TANC1: variants seen among roughly 807,000 people sequenced by gnomAD.
TANC1 encodes protein TANC1.
TANC1 carries 77 observed loss-of-function variants against 149.7 expected under a neutral mutation model. That is an observed-to-expected ratio of 0.51 (90% CI 0.43 to 0.62). The LOEUF is 0.62. Among genes scored for constraint, TANC1 ranks in the 20% least tolerant of loss-of-function variants. The pLI is 0.00. For synonymous variants in TANC1, 854 were observed against 925.0 expected, an observed-to-expected ratio of 0.92 and a Z score of 1.39; for missense variants, 1,985 against 2,321.8, an observed-to-expected ratio of 0.85 and a Z score of 2.98.
chr2:159,192,870 G>A (rs947958590), intron 16 of TANC1, among the ~76,000 whole-genome samples: 4 of 152,046 alleles, frequency 2.6e-5, no homozygotes, highest in African/African-American at 9.7e-5. Context: ...GGCTGGTCTC[G>A]AACTCCTAAC....
At chr2:159,219,097 C>T (rs2059526385) in intron 20 of TANC1, 141 bp from the exon 21 acceptor site, 5 of 1,096,878 alleles carry the variant, frequency 4.6e-6, no homozygotes, top group African/African-American at 1.6e-5. Context: ...AAAGATTTTC[C>T]AGGCCCCATG....
At chr2:159,171,805 C>T (rs1222754849) in intron 10 of TANC1, among the ~76,000 whole-genome samples, 2 of 141,826 alleles carry the variant, frequency 1.4e-5, no homozygotes, top group African/African-American at 2.7e-5. Flanking sequence ...TGCAGTGAGC[C>T]GAGATGGCAC....
intron 1 of TANC1, among the ~76,000 whole-genome samples, chr2:158,974,270 G>C (rs2033326514): frequency 6.6e-6 from 1 of 152,014 alleles, no homozygotes; most frequent in South Asian, 2.1e-4. Context: ...ATTCATTGAG[G>C]GCCATTGCTG....
chr2:159,113,099 T>G (rs1413489010), intron 4 of TANC1, among the ~76,000 whole-genome samples: 1 of 152,124 alleles, frequency 6.6e-6, no homozygotes, highest in African/African-American at 2.4e-5. Flanking sequence ...TACGCGTGGC[T>G]AATTTTTGTA....
At chr2:159,052,570 A>G (rs1335914398) in intron 2 of TANC1, among the ~76,000 whole-genome samples, 1 of 152,212 alleles carries the variant, frequency 6.6e-6, no homozygotes, top group African/African-American at 2.4e-5. Flanking sequence ...ACAAACTTCT[A>G]TTGTTTATAA....
chr2:159,215,830 G>T (rs2150900322), intron 19 of TANC1, among the ~76,000 whole-genome samples: 1 of 152,336 alleles, frequency 6.6e-6, no homozygotes, highest in Admixed American at 6.5e-5. Context: ...GGTCAGTCGT[G>T]TTTAGCCACA....
chr2:159,228,875 C>G lies in TANC1; in HGVS notation c.4130C>G (p.Ala1377Gly), dbSNP rs1357983552. The change falls in exon 26 of 27, where the codon GCA becomes GGA. Residue 1377 changes from alanine to glycine, a missense_variant. Ala to Gly is a moderately conservative substitution (Grantham distance 60). Around this residue, in one of 3 missense-constraint regions of TANC1, gnomAD observed 920 missense variants for 994.7 expected, o/e 0.92. Coordinates refer to ENST00000263635, the MANE Select transcript of TANC1 (RefSeq NM_033394.3). ...TCCTATGAAGCCTTTTATGCCAGAG[C>G]AAGAGCGAAGAGAAATAGCAGGTAC... Reference protein sequence around the residue: ...PKSYEAFYARARAKRNSRQFV... With the variant: ...PKSYEAFYARGRAKRNSRQFV... 3.1e-6 allele frequency: 5 copies of G among 1,613,812 alleles called. No homozygotes were observed. The highest frequency in any genetic ancestry group is 4.2e-6 in the Non-Finnish European group (5 of 1,179,822).
Position 159,176,482 on chromosome 2 carries a change from G to T in TANC1, c.1866G>T (p.Trp622Cys). The T allele has an allele frequency of 3.1e-6, 5 of 1,602,050 alleles. No individual in the cohort carries two copies. Among genetic ancestry groups the T allele is most frequent in the South Asian group, 1.1e-5 (1 of 87,668 alleles). The part of the protein sequence containing the change: ...ITKIISKFPA[W>C]LKLIVTVRAN... Reference sequence around the variant, plus strand: ...AAATTATTTCTAAATTTCCTGCCTGGTTGAAGTTGATTGTGACTGTAAGAG... The same window carrying T: ...AAATTATTTCTAAATTTCCTGCCTGTTTGAAGTTGATTGTGACTGTAAGAG... The change falls in exon 13 of 27, where the codon TGG becomes TGT. Residue 622 changes from tryptophan (W) to cysteine (C), a missense_variant. By Grantham distance (215) the Trp-to-Cys change is radical (BLOSUM62 -2). This residue lies in a region of TANC1 where 508 missense variants were observed against 714.2 expected (regional missense o/e 0.71). Coordinates refer to ENST00000263635, the MANE Select transcript of TANC1 (RefSeq NM_033394.3).
Position 159,194,261 on chromosome 2 carries a change from G to C in TANC1, c.2747G>C (p.Ser916Thr). ...RNLYTPNVKV[S>T]RLLILGGANV... ...TTGGGGGGCCTTGTCCAACAGGTGA[G>C]CCGTCTCCTGATTTTGGGAGGGGCC... The change falls in exon 17 of 27, where the codon AGC (serine) becomes ACC (threonine). Residue 916 changes from serine to threonine, a missense_variant. By Grantham distance (58) the Ser-to-Thr change is moderately conservative (BLOSUM62 1). Transcript: ENST00000263635. 1 of 1,613,190 alleles carries C rather than the reference G, an allele frequency of 6.2e-7. No individual in the cohort carries two copies.
intron 2 of TANC1, among the ~76,000 whole-genome samples, chr2:159,026,724 A>C (rs967611280): frequency 6.6e-6 from 1 of 151,884 alleles, no homozygotes; most frequent in Non-Finnish European, 1.5e-5. Flanking sequence ...GTTGAGCTGC[A>C]CTTGGGGTCG....
At chr2:159,008,237 A>G (rs2037412288) in intron 2 of TANC1, among the ~76,000 whole-genome samples, 1 of 152,240 alleles carries the variant, frequency 6.6e-6, no homozygotes, top group African/African-American at 2.4e-5. Flanking sequence ...TTTGAACTGC[A>G]TCTGATACAG....
chr2:159,095,058 G>A (rs1467946128), intron 3 of TANC1, among the ~76,000 whole-genome samples: 3 of 151,788 alleles, frequency 2.0e-5, no homozygotes, highest in Non-Finnish European at 4.4e-5. Flanking sequence ...TGATACTCCT[G>A]CCTCAGCCTC....
chr2:159,228,023 A>G (rs2288111), intron 25 of TANC1, 58 bp downstream of exon 25: 1,368,229 of 1,576,212 alleles, frequency 0.87, 597,958 homozygotes, highest in Admixed American at 0.91. Flanking sequence ...CTTCTCCAGC[A>G]GTGAAGGCCA....
intron 4 of TANC1, among the ~76,000 whole-genome samples, chr2:159,127,117 T>A (rs1306019805): frequency 6.6e-6 from 1 of 152,172 alleles, no homozygotes; most frequent in South Asian, 2.1e-4. Context: ...GAAAGGAGCA[T>A]GGCTACAAAA....
intron 2 of TANC1, among the ~76,000 whole-genome samples, chr2:159,007,636 G>T (rs1348100131): frequency 6.6e-6 from 1 of 152,198 alleles, no homozygotes; most frequent in Non-Finnish European, 1.5e-5. Flanking sequence ...TACACTCTGT[G>T]ATGTTCATAC....
intron 3 of TANC1, among the ~76,000 whole-genome samples, chr2:159,082,071 C>T (rs1261278118): frequency 6.6e-6 from 1 of 152,256 alleles, no homozygotes; most frequent in Non-Finnish European, 1.5e-5. Context: ...CCTGCTCTGC[C>T]CCATCTGGGG....
chr2:159,044,720 G>A lies in TANC1; in HGVS notation c.-15-21176G>A, dbSNP rs991250300. Among the ~76,000 whole-genome samples, 28 of 152,268 alleles carry A rather than the reference G, an allele frequency of 1.8e-4. No homozygotes were observed. In the East Asian group the frequency reaches 5.0e-3, roughly 27 times the overall value. ...ACCAAATGGCTGACTGGGGGCATTGGAGACACCGGCTCGCTTCTCCATGGG... is the reference window on the plus strand; with the variant it reads ...ACCAAATGGCTGACTGGGGGCATTGAAGACACCGGCTCGCTTCTCCATGGG... On this transcript the variant is annotated intron_variant, in intron 2 of 26. Transcript: ENST00000263635.
chr2:159,081,447 T>A (rs988929229), intron 3 of TANC1, among the ~76,000 whole-genome samples: 6 of 151,952 alleles, frequency 3.9e-5, no homozygotes, highest in African/African-American at 1.5e-4. Flanking sequence ...GTCTGTGGAT[T>A]GAGAATGTGG....
chr2:159,065,848 C>G, intron 2 of TANC1, 48 bp from the exon 3 acceptor site: 2 of 1,500,326 alleles, frequency 1.3e-6, no homozygotes, highest in South Asian at 1.1e-5. Flanking sequence ...AGTTATATTC[C>G]AACTTTCAAT....
Sources: allele counts gnomAD v4.1 joint callset (sites outside exome capture counted in the v4.1 genomes callset), GRCh38; gene constraint gnomAD v4.1.1; regional missense constraint gnomAD v4.1.1; transcripts MANE v1.5; gene names NCBI Gene and HGNC (gene_info 2026-07-23, HGNC 2026-07-21).